MARK3: variants seen among roughly 807,000 people sequenced by gnomAD.
MARK3 encodes MAP/microtubule affinity-regulating kinase 3.
Under a neutral mutation model 90.1 loss-of-function variants are expected in MARK3, and 46 were observed. The ratio of observed to expected loss-of-function variants is 0.51; its 90% CI spans 0.40 to 0.65. MARK3 has a LOEUF of 0.65. MARK3 is among the 30% of genes least tolerant of loss of function. The probability of loss-of-function intolerance (pLI) is 0.00; values close to 1 mark genes in which losing one functional copy is unlikely to be tolerated. For synonymous variants in MARK3, 321 were observed against 332.6 expected, an observed-to-expected ratio of 0.97 and a Z score of 0.38; for missense variants, 818 against 947.2, an observed-to-expected ratio of 0.86 and a Z score of 1.79.
chr14:103,468,293 G>T, intron 12 of MARK3, 107 bp downstream of exon 12: 1 of 620,772 alleles, frequency 1.6e-6, no homozygotes, highest in Non-Finnish European at 2.5e-6. Context: ...TCCTTTCTTG[G>T]CATTGCTTTC....
chr14:103,458,785 T>C (rs1292345680), intron 6 of MARK3: 1 of 717,540 alleles, frequency 1.4e-6, no homozygotes, highest in Non-Finnish European at 2.5e-6. Context: ...CTTAGTCTGA[T>C]GTTTACATTT....
intron 14 of MARK3, among the ~76,000 whole-genome samples, chr14:103,485,923 G>T (rs1289970813): frequency 2.0e-5 from 3 of 152,050 alleles, no homozygotes; most frequent in Non-Finnish European, 2.9e-5. Flanking sequence ...ATACAAAACA[G>T]TTGGGAAGAT....
chr14:103,466,291 G>T, intron 9 of MARK3, 52 bp from the exon 10 acceptor site: 1 of 1,380,968 alleles, frequency 7.2e-7, no homozygotes, highest in Non-Finnish European at 1.0e-6. Flanking sequence ...AAATATTACG[G>T]TTATCAGAAT....
At chr14:103,494,863 C>T (rs985910703) in intron 15 of MARK3, among the ~76,000 whole-genome samples, 8 of 152,094 alleles carry the variant, frequency 5.3e-5, no homozygotes, top group South Asian at 2.1e-4. Context: ...TCTTGAACTG[C>T]TGACCTCAAG....
chr14:103,498,381 G>T, intron 15 of MARK3, 121 bp from the exon 16 acceptor site: 2 of 614,636 alleles, frequency 3.3e-6, no homozygotes, highest in Non-Finnish European at 5.0e-6. Context: ...TTTGTTCATT[G>T]GCCAGAGAAG....
At chr14:103,404,471 T>G (rs1424957164) in intron 1 of MARK3, among the ~76,000 whole-genome samples, 1 of 152,196 alleles carries the variant, frequency 6.6e-6, no homozygotes, top group Non-Finnish European at 1.5e-5. Context: ...GCCTGAATAT[T>G]TCATAGGGTA....
intron 2 of MARK3, among the ~76,000 whole-genome samples, chr14:103,416,943 G>A (rs148825894): frequency 8.4e-4 from 128 of 152,284 alleles, no homozygotes; most frequent in African/African-American, 2.9e-3. Context: ...ATGAGGAGAT[G>A]TATTAGAGAT....
intron 4 of MARK3, among the ~76,000 whole-genome samples, chr14:103,450,427 T>C (rs1407380430): frequency 6.6e-6 from 1 of 152,244 alleles, no homozygotes; most frequent in Non-Finnish European, 1.5e-5. Flanking sequence ...ATTACTTAAA[T>C]TGTGACCTGA....
At chr14:103,464,340 C>G (rs1000125714) in intron 7 of MARK3, among the ~76,000 whole-genome samples, 1 of 120,790 alleles carries the variant, frequency 8.3e-6, no homozygotes, top group African/African-American at 3.2e-5. Flanking sequence ...ACTTTGTTGC[C>G]CTGGCTAGAG....
chr14:103,415,337 A>G (rs187845692), intron 2 of MARK3, among the ~76,000 whole-genome samples: 5 of 152,254 alleles, frequency 3.3e-5, no homozygotes, highest in African/African-American at 9.6e-5. Context: ...TTCAGTTTAG[A>G]TGAGACTTCC....
intron 2 of MARK3, among the ~76,000 whole-genome samples, chr14:103,418,779 A>G (rs971944255): frequency 8.5e-5 from 13 of 152,184 alleles, no homozygotes; most frequent in African/African-American, 3.1e-4. Flanking sequence ...AATATTCTGA[A>G]TACCATTTTT....
chr14:103,500,258 C>G, intron 17 of MARK3, 58 bp downstream of exon 17: 2 of 1,259,144 alleles, frequency 1.6e-6, no homozygotes, highest in Non-Finnish European at 2.2e-6. Flanking sequence ...ATTTCTGTGG[C>G]AGAGGCGACT....
At chr14:103,412,258 C>G in intron 2 of MARK3, 1 of 714,918 alleles carries the variant, frequency 1.4e-6, no homozygotes, top group Admixed American at 2.2e-5. Context: ...CTGTCATCTT[C>G]ACGTGGCCAA....
intron 3 of MARK3, among the ~76,000 whole-genome samples, chr14:103,442,111 G>A (rs1595696901): frequency 6.6e-6 from 1 of 152,134 alleles, no homozygotes; most frequent in South Asian, 2.1e-4. Context: ...GCTCACACCT[G>A]TAATCCCAGC....
rs71126026 is a variant in MARK3, at chr14:103,452,471, C to CTTTTTTTTT, written c.412+498_412+506dup. Reference sequence around the variant, plus strand: ...ACAAGTGGAATTTTACAGGATTTGTCTTTTTTTTTTTTTTTTTTGAGACGG... The same window carrying CTTTTTTTTT: ...ACAAGTGGAATTTTACAGGATTTGTCTTTTTTTTTTTTTTTTTTTTTTTTTTTGAGACGG... On this transcript the variant is annotated intron_variant, in intron 5 of 17. Coordinates refer to ENST00000429436, the MANE Select transcript of MARK3 (RefSeq NM_001128918.3). 5.7e-4 allele frequency among the ~76,000 whole-genome samples: 56 copies of CTTTTTTTTT among 97,478 alleles called. 9 individuals are homozygous for CTTTTTTTTT. Among genetic ancestry groups the CTTTTTTTTT allele is most frequent in the Non-Finnish European group, 9.4e-4 (42 of 44,460 alleles). 63.9% of individuals were successfully genotyped at this position (97,478 alleles called of 152,430 possible). A position where few individuals can be genotyped will look rare whatever the true frequency, so the allele number is the denominator to read the frequency against.
At chr14:103,452,175 T>G (rs2093163234) in intron 5 of MARK3, among the ~76,000 whole-genome samples, 192 bp downstream of exon 5, 1 of 152,128 alleles carries the variant, frequency 6.6e-6, no homozygotes, top group Non-Finnish European at 1.5e-5. Flanking sequence ...ACTATTAGCA[T>G]TGTTAATTGG....
At position 103,390,857 on chromosome 14, in the gene MARK3, C is replaced by A. The variant is rs554651447; in HGVS notation, c.51+4777C>A. ...CTGAGTAGCTGGGACTACAGGCGTG[C>A]CCCACCACATGCATGGCTAATTTTT... On this transcript the variant is annotated intron_variant, in intron 1 of 17. Transcript: ENST00000429436. Among the ~76,000 whole-genome samples the A allele has an allele frequency of 9.1e-4, 139 of 152,200 alleles. 2 individuals carry two copies. Among genetic ancestry groups the A allele is most frequent in the African/African-American group, 3.3e-3 (138 of 41,542 alleles).
At chr14:103,451,674 C>G (rs1409251611) in intron 4 of MARK3, among the ~76,000 whole-genome samples, 1 of 152,168 alleles carries the variant, frequency 6.6e-6, no homozygotes, top group Non-Finnish European at 1.5e-5. Context: ...TGCTGGACTG[C>G]TGAGCACATA....
At chr14:103,454,223 G>C (rs11625988) in intron 5 of MARK3, among the ~76,000 whole-genome samples, 147,088 of 152,060 alleles carry the variant, frequency 0.97, 71,295 homozygotes, top group East Asian at 1. Context: ...TCATTTAATC[G>C]AAGGTGGTGG....
Sources: gnomAD v4.1 joint callset for allele counts (sites outside exome capture counted in the v4.1 genomes callset) on GRCh38, gnomAD v4.1.1 for gene constraint, MANE v1.5 for transcripts, NCBI Gene and HGNC (gene_info 2026-07-23, HGNC 2026-07-21) for gene names.